SPG11: variants seen among roughly 807,000 people sequenced by gnomAD.
SPG11 encodes the protein spatacsin.
SPG11 carries 222 observed loss-of-function variants against 274.0 expected under a neutral mutation model. That is an observed-to-expected ratio of 0.81 (90% CI 0.73 to 0.91). The LOEUF (loss-of-function observed/expected upper bound fraction) is 0.91, where lower values mean the gene tolerates loss of function less well. Among genes scored for constraint, SPG11 ranks in the 40% least tolerant of loss-of-function variants. The probability of loss-of-function intolerance (pLI) is 0.00; values close to 1 mark genes in which losing one functional copy is unlikely to be tolerated. For missense variants in SPG11, 3,114 were observed against 2,872.7 expected (o/e 1.08, Z -1.92); for synonymous variants, 1,144 against 1,039.7 (o/e 1.10, Z -1.93).
At position 44,613,482 on chromosome 15, in the gene SPG11, G is replaced by A; in HGVS notation, c.3093C>T (p.His1031=). Residue 1031 remains histidine (H), a synonymous_variant, in exon 17 of 40, where the codon CAC becomes CAT. Transcript: ENST00000261866. ...ACTGAACTAAAAATTCAAACCAAGGGTGTGCTTCATGTAACTCTTTTTTTT... is the reference window on the plus strand; with the variant it reads ...ACTGAACTAAAAATTCAAACCAAGGATGTGCTTCATGTAACTCTTTTTTTT... ...FLEKKELHEA[H]PWFEFLVQCR... is the part of the protein sequence containing the mutation. 6.2e-7 allele frequency: 1 copy of A among 1,613,922 alleles called. No homozygotes were observed. Among genetic ancestry groups the A allele is most frequent in the East Asian group, 2.2e-5 (1 of 44,852 alleles).
At chr15:44,617,676 C>T (rs1244089847) in intron 15 of SPG11, among the ~76,000 whole-genome samples, 1 of 152,022 alleles carries the variant, frequency 6.6e-6, no homozygotes, top group Non-Finnish European at 1.5e-5. Flanking sequence ...CCTCTAATTT[C>T]TTTTTGTTGT....
chr15:44,600,630 C>T lies in SPG11; in HGVS notation c.3523G>A (p.Ala1175Thr). 6.2e-6 allele frequency: 10 copies of T among 1,613,750 alleles called. No individual in the cohort carries two copies. Among genetic ancestry groups the T allele is most frequent in the Non-Finnish European group, 8.5e-6 (10 of 1,179,730 alleles). The change falls in exon 21 of 40, where the codon GCA becomes ACA. Residue 1175 changes from alanine to threonine, a missense_variant and splice_region_variant. Coordinates refer to ENST00000261866, the MANE Select transcript of SPG11 (RefSeq NM_025137.4). Reference sequence around the variant, plus strand: ...GAGAAATGTGGGAGATGACTCCATGCATCTAGGGGGAAAGTAAAACAATAT... The same window carrying T: ...GAGAAATGTGGGAGATGACTCCATGTATCTAGGGGGAAAGTAAAACAATAT... ...QSANTLAIGD[A>T]WSHLPHFSSP...
chr15:44,663,411 G>A lies in SPG11; in HGVS notation c.237C>T (p.Cys79=). 1.2e-6 allele frequency: 2 copies of A among 1,607,524 alleles called. No homozygotes were observed. ...TPGSRGGGRC[C]LEGPFWHFLW... is the part of the protein sequence containing the mutation. ...CTTACTGCCAGAAGGGGCCCTCCAGGCAGCAGCGACCCCCGCCCCGGCTGC... is the reference window on the plus strand; with the variant it reads ...CTTACTGCCAGAAGGGGCCCTCCAGACAGCAGCGACCCCCGCCCCGGCTGC... The change falls in exon 1 of 40, where the codon TGC becomes TGT. Residue 79 remains cysteine (C), a synonymous_variant. Transcript: ENST00000261866.
At chr15:44,652,294 T>A (rs2084806394) in intron 4 of SPG11, 28 bp from the exon 5 acceptor site, 2 of 1,613,094 alleles carry the variant, frequency 1.2e-6, no homozygotes, top group Admixed American at 1.7e-5. Context: ...GATAGACATA[T>A]GAAAAAATGA....
Position 44,585,623 on chromosome 15 carries a change from A to AAAAAT in SPG11, c.5121+12_5121+13insATTTT. 1 of 1,546,238 alleles carries AAAAAT rather than the reference A, an allele frequency of 6.5e-7. No individual in the cohort carries two copies. The highest frequency in any genetic ancestry group is 8.9e-7 in the Non-Finnish European group (1 of 1,129,542). ...TATCTAAAAAAAAAAAAAAAAAAAAAGACCGATGATACCTCTTTAATAACC... is the reference window on the plus strand; with the variant it reads ...TATCTAAAAAAAAAAAAAAAAAAAAAAAAATGACCGATGATACCTCTTTAATAACC... On this transcript the variant is annotated intron_variant, in intron 29 of 39. Transcript: ENST00000261866.
intron 15 of SPG11, 81 bp downstream of exon 15, chr15:44,620,109 A>G: frequency 8.9e-7 from 1 of 1,119,152 alleles, no homozygotes; most frequent in Non-Finnish European, 1.4e-6. Context: ...ATGGCATTTC[A>G]AAGGAAAAGC....
rs761066431 is a variant in SPG11 at position 44,572,823 on chromosome 15, G to A, written c.6206-3C>T. ...TGGGTTGAACATCTGCTTATGTCCTGTACAGAGAGGTGTGAAGACAGGTGC... is the reference window on the plus strand; with the variant it reads ...TGGGTTGAACATCTGCTTATGTCCTATACAGAGAGGTGTGAAGACAGGTGC... On this transcript the variant is annotated splice_polypyrimidine_tract_variant and splice_region_variant and intron_variant, in intron 32 of 39. Transcript: ENST00000261866. The A allele has an allele frequency of 1.2e-6, 2 of 1,613,884 alleles. No homozygotes were observed. Among genetic ancestry groups the A allele is most frequent in the South Asian group, 1.1e-5 (1 of 91,068 alleles).
intron 17 of SPG11, among the ~76,000 whole-genome samples, chr15:44,612,886 G>C (rs530410438): frequency 1.3e-5 from 2 of 152,302 alleles, no homozygotes; most frequent in South Asian, 4.1e-4. Flanking sequence ...TGGTCATTCA[G>C]CCTGTCCCCT....
chr15:44,633,185 C>G (rs2084121928), intron 8 of SPG11, among the ~76,000 whole-genome samples: 2 of 151,428 alleles, frequency 1.3e-5, no homozygotes, highest in South Asian at 4.2e-4. Flanking sequence ...CAAAGAATAG[C>G]TGAGTGTGGT....
At chr15:44,644,620 G>C (rs2084552851) in intron 7 of SPG11, among the ~76,000 whole-genome samples, 2 of 152,176 alleles carry the variant, frequency 1.3e-5, no homozygotes. Context: ...AATAGGAAGA[G>C]AGGAAGTAAA....
chr15:44,615,242 C>T, intron 16 of SPG11, 121 bp downstream of exon 16: 2 of 982,246 alleles, frequency 2.0e-6, no homozygotes, highest in Non-Finnish European at 3.2e-6. Flanking sequence ...AAAACTACCT[C>T]AAAAAGATCA....
chr15:44,602,243 C>G (rs2083211271), intron 20 of SPG11, among the ~76,000 whole-genome samples: 1 of 152,068 alleles, frequency 6.6e-6, no homozygotes, highest in African/African-American at 2.4e-5. Flanking sequence ...AGGACTTCAA[C>G]TACTATGTTG....
intron 15 of SPG11, among the ~76,000 whole-genome samples, chr15:44,616,275 A>C (rs2083591920): frequency 1.4e-5 from 2 of 142,938 alleles, no homozygotes; most frequent in Non-Finnish European, 3.0e-5. Context: ...GTGCCACCTC[A>C]GCTCACTGCA....
chr15:44,605,003 TTCC>T (rs2083286020), intron 20 of SPG11, among the ~76,000 whole-genome samples: 1 of 152,022 alleles, frequency 6.6e-6, no homozygotes, highest in South Asian at 2.1e-4. Flanking sequence ...TGTGCTTTAT[TTCC>T]TCAAGTATGT....
Position 44,608,574 on chromosome 15 carries a change from A to G in SPG11, c.3323T>C (p.Leu1108Ser), listed in dbSNP as rs2083381558. The change falls in exon 19 of 40, where the codon TTG becomes TCG. Residue 1108 changes from leucine (L) to serine (S), a missense_variant. Physicochemically the swap from Leu to Ser is moderately radical, Grantham distance 145 (BLOSUM62 -2). Coordinates refer to ENST00000261866, the MANE Select transcript of SPG11 (RefSeq NM_025137.4). ...CAATAGCTGGGGATCCACTTTCTTC[A>G]AACAGTTTTCATTTTCTTCATTCTG... Reference protein sequence around the residue: ...VVQNEENENCLKKVDPQLLKM... With the variant: ...VVQNEENENCSKKVDPQLLKM... The G allele has an allele frequency of 6.2e-7, 1 of 1,614,014 alleles. No individual in the cohort carries two copies. The highest frequency in any genetic ancestry group is 8.5e-7 in the Non-Finnish European group (1 of 1,179,954).
At chr15:44,593,925 TTTTC>T (rs2082966461) in intron 26 of SPG11, among the ~76,000 whole-genome samples, 1 of 149,494 alleles carries the variant, frequency 6.7e-6, no homozygotes. Flanking sequence ...GGCTTTTTTC[TTTTC>T]TTTTTTTTTT....
intron 9 of SPG11, 84 bp from the exon 10 acceptor site, chr15:44,628,928 C>G: frequency 7.3e-7 from 1 of 1,368,292 alleles, no homozygotes; most frequent in South Asian, 1.2e-5. Flanking sequence ...TAAAGAAAGT[C>G]AAAATTCAAA....
chr15:44,643,823 G>A (rs1350781138), intron 7 of SPG11, among the ~76,000 whole-genome samples: 1 of 151,906 alleles, frequency 6.6e-6, no homozygotes, highest in South Asian at 2.1e-4. Context: ...TGGCAGAGAC[G>A]CAATGAAAAG....
intron 7 of SPG11, among the ~76,000 whole-genome samples, chr15:44,645,374 C>G (rs1005138297): frequency 6.6e-6 from 1 of 152,176 alleles, no homozygotes; most frequent in African/African-American, 2.4e-5. Flanking sequence ...GGGCAAAGAA[C>G]TCCCTATTCA....
Sources: allele counts gnomAD v4.1 joint callset (sites outside exome capture counted in the v4.1 genomes callset), GRCh38; gene constraint gnomAD v4.1.1; transcripts MANE v1.5; gene names NCBI Gene and HGNC (gene_info 2026-07-23, HGNC 2026-07-21).